The following TBC1D19 variants were observed in gnomAD, a reference collection of about 807,000 sequenced individuals.
TBC1D19 encodes the protein TBC1 domain family member 19.
Under a neutral mutation model 89.0 loss-of-function variants are expected in TBC1D19, and 60 were observed. The ratio of observed to expected loss-of-function variants is 0.67; its 90% CI spans 0.55 to 0.84. The LOEUF (loss-of-function observed/expected upper bound fraction) is 0.84, where lower values mean the gene tolerates loss of function less well. Ranked by LOEUF, TBC1D19 falls within the 40% of genes least tolerant of loss-of-function variation. The pLI is 0.00. For synonymous variants in TBC1D19, 189 were observed against 199.7 expected, an observed-to-expected ratio of 0.95 and a Z score of 0.45; for missense variants, 500 against 610.8, an observed-to-expected ratio of 0.82 and a Z score of 1.91.
At chr4:26,709,692 A>T (rs150259619) in intron 13 of TBC1D19, among the ~76,000 whole-genome samples, 1,596 of 152,134 alleles carry the variant, frequency 0.01, 10 homozygotes, top group Middle Eastern at 0.027. Context: ...ACTGAAATTT[A>T]CCATCCAAGC....
chr4:26,805,141 T>G, the TBC1D19 span, among the ~76,000 whole-genome samples: 1 of 152,144 alleles, frequency 6.6e-6, no homozygotes, highest in Non-Finnish European at 1.5e-5. Context: ...GCAACATGGG[T>G]GGGGACATGG....
At chr4:26,675,180 T>C (rs1056996156) in intron 11 of TBC1D19, among the ~76,000 whole-genome samples, 1 of 152,076 alleles carries the variant, frequency 6.6e-6, no homozygotes, top group Non-Finnish European at 1.5e-5. Flanking sequence ...TGATCTAACT[T>C]TGTAGATGCA....
At chr4:26,730,738 G>A (rs1469953876) in intron 15 of TBC1D19, among the ~76,000 whole-genome samples, 4 of 152,142 alleles carry the variant, frequency 2.6e-5, no homozygotes, top group Non-Finnish European at 5.9e-5. Flanking sequence ...CAGGCTTCAT[G>A]GACAGAAGCC....
chr4:26,665,243 A>G (rs945395835), intron 8 of TBC1D19, among the ~76,000 whole-genome samples: 1 of 152,188 alleles, frequency 6.6e-6, no homozygotes, highest in Non-Finnish European at 1.5e-5. Context: ...TTTAAAATCT[A>G]TACAAAATGA....
chr4:26,623,442 C>T (rs1201803235), intron 4 of TBC1D19, among the ~76,000 whole-genome samples: 1 of 152,140 alleles, frequency 6.6e-6, no homozygotes, highest in Non-Finnish European at 1.5e-5. Context: ...GCCCCTAATT[C>T]AACCTCTGTC....
At chr4:26,808,507 G>A in the TBC1D19 span, among the ~76,000 whole-genome samples, 1 of 152,048 alleles carries the variant, frequency 6.6e-6, no homozygotes, top group Non-Finnish European at 1.5e-5. Flanking sequence ...CAAGGTGGGT[G>A]GATCACAAGG....
chr4:26,756,905 C>G (rs1201918042), downstream of TBC1D19, among the ~76,000 whole-genome samples: 1 of 152,192 alleles, frequency 6.6e-6, no homozygotes, highest in Non-Finnish European at 1.5e-5. Flanking sequence ...AAAGCCAGAC[C>G]TGGTTGACAA....
chr4:26,635,634 A>C (rs1271163660), intron 4 of TBC1D19, among the ~76,000 whole-genome samples: 2 of 152,096 alleles, frequency 1.3e-5, no homozygotes, highest in Non-Finnish European at 2.9e-5. Context: ...TTGCATTAAA[A>C]TTTTTTAAAA....
chr4:26,841,440 G>A, the TBC1D19 span, among the ~76,000 whole-genome samples: 1 of 151,338 alleles, frequency 6.6e-6, no homozygotes, highest in African/African-American at 2.4e-5. Flanking sequence ...GTTACCCCCT[G>A]TGATCCAAGT....
intron 15 of TBC1D19, among the ~76,000 whole-genome samples, chr4:26,733,122 G>A (rs147800661): frequency 1.3e-5 from 2 of 152,298 alleles, no homozygotes; most frequent in Admixed American, 6.5e-5. Context: ...TTTCACTTGT[G>A]AGCTTAAAGC....
chr4:26,805,287 G>T, the TBC1D19 span, among the ~76,000 whole-genome samples: 1 of 152,192 alleles, frequency 6.6e-6, no homozygotes, highest in African/African-American at 2.4e-5. Context: ...GCTTCAGTCT[G>T]GGATGAGGCC....
At chr4:26,677,904 C>T (rs1369141213) in intron 11 of TBC1D19, among the ~76,000 whole-genome samples, 1 of 152,190 alleles carries the variant, frequency 6.6e-6, no homozygotes, top group Non-Finnish European at 1.5e-5. Context: ...TCAATTAAAC[C>T]TCTTTCCTTT....
intron 13 of TBC1D19, among the ~76,000 whole-genome samples, chr4:26,713,097 T>G (rs951278748): frequency 6.6e-6 from 1 of 151,398 alleles, no homozygotes; most frequent in Non-Finnish European, 1.5e-5. Context: ...GCCTAATGGT[T>G]TTTCTTAATT....
chr4:26,734,934 G>GTGTATATATGTATACACATATGCATA (rs1717884241), intron 15 of TBC1D19, among the ~76,000 whole-genome samples: 1 of 118,056 alleles, frequency 8.5e-6, no homozygotes, highest in Non-Finnish European at 1.8e-5. Context: ...ACATATATGT[G>GTGTATATATGTATACACATATGCATA]TGTATATATG....
At chr4:26,646,270 A>G (rs2109029623) in intron 7 of TBC1D19, among the ~76,000 whole-genome samples, 1 of 152,272 alleles carries the variant, frequency 6.6e-6, no homozygotes, top group South Asian at 2.1e-4. Context: ...ATGAGATACC[A>G]TCTCACACCA....
chr4:26,796,111 T>C, the TBC1D19 span, among the ~76,000 whole-genome samples: 1 of 152,230 alleles, frequency 6.6e-6, no homozygotes, highest in Non-Finnish European at 1.5e-5. Context: ...CTCCATCATA[T>C]GAATATACTA....
the TBC1D19 span, among the ~76,000 whole-genome samples, chr4:26,841,810 G>T: frequency 6.6e-6 from 1 of 152,108 alleles, no homozygotes; most frequent in Non-Finnish European, 1.5e-5. Context: ...ACACCATCCG[G>T]GGTCAAGCCA....
the TBC1D19 span, among the ~76,000 whole-genome samples, chr4:26,787,248 C>T: frequency 2.0e-5 from 3 of 151,928 alleles, no homozygotes; most frequent in Non-Finnish European, 4.4e-5. Flanking sequence ...ACTACAGGCA[C>T]GTGCCTCCAA....
At chr4:26,732,301 A>G (rs1211136103) in intron 15 of TBC1D19, among the ~76,000 whole-genome samples, 1 of 152,200 alleles carries the variant, frequency 6.6e-6, no homozygotes, top group Non-Finnish European at 1.5e-5. Flanking sequence ...CACCCTTGTC[A>G]GATGATTCTC....
Sources: gnomAD v4.1 joint callset for allele counts (sites outside exome capture counted in the v4.1 genomes callset) on GRCh38, gnomAD v4.1.1 for gene constraint, MANE v1.5 for transcripts, NCBI Gene and HGNC (gene_info 2026-07-23, HGNC 2026-07-21) for gene names.